B3GALT1: variants seen among roughly 807,000 people sequenced by gnomAD.
B3GALT1 encodes beta-1,3-galactosyltransferase 1.
Under a neutral mutation model 23.2 loss-of-function variants are expected in B3GALT1, and 10 were observed. The ratio of observed to expected loss-of-function variants is 0.43; its 90% CI spans 0.27 to 0.73. The LOEUF is 0.73. Ranked by LOEUF, B3GALT1 falls within the 30% of genes least tolerant of loss-of-function variation. The pLI is 0.21. For synonymous variants in B3GALT1, 156 were observed against 141.5 expected (o/e 1.10, Z -0.73); for missense variants, 299 against 405.4 (o/e 0.74, Z 2.25).
intron 3 of B3GALT1, among the ~76,000 whole-genome samples, chr2:167,698,529 A>T (rs1686821646): frequency 6.6e-6 from 1 of 152,296 alleles, no homozygotes; most frequent in East Asian, 1.9e-4. Flanking sequence ...AGAGGCAGGA[A>T]CCAAGCCGGA....
At chr2:167,534,126 T>A (rs1683376760) in intron 2 of B3GALT1, among the ~76,000 whole-genome samples, 1 of 152,184 alleles carries the variant, frequency 6.6e-6, no homozygotes, top group African/African-American at 2.4e-5. Flanking sequence ...TTTTTATTAA[T>A]CTTGTTCAAA....
intron 1 of B3GALT1, among the ~76,000 whole-genome samples, chr2:167,460,761 T>C (rs1434130507): frequency 6.6e-6 from 1 of 152,144 alleles, no homozygotes; most frequent in Admixed American, 6.5e-5. Context: ...TTTTCTGGGT[T>C]TTATTGTTGT....
chr2:167,298,566 T>C (rs546479016), intron 1 of B3GALT1, among the ~76,000 whole-genome samples: 3 of 152,242 alleles, frequency 2.0e-5, no homozygotes, highest in Non-Finnish European at 4.4e-5. Context: ...TCTTTATGTC[T>C]ATAGCATACA....
chr2:167,845,931 T>C (rs963652500), intron 4 of B3GALT1, among the ~76,000 whole-genome samples: 1 of 151,954 alleles, frequency 6.6e-6, no homozygotes, highest in South Asian at 2.1e-4. Flanking sequence ...TCAGGAAACA[T>C]TGGATACAAT....
chr2:167,332,610 A>G (rs760448915), intron 1 of B3GALT1, among the ~76,000 whole-genome samples: 3 of 152,198 alleles, frequency 2.0e-5, no homozygotes, highest in Non-Finnish European at 2.9e-5. Flanking sequence ...CCTCTTTAGT[A>G]AAGATCATAC....
intron 3 of B3GALT1, among the ~76,000 whole-genome samples, chr2:167,725,449 T>C (rs1687297277): frequency 6.6e-6 from 1 of 152,264 alleles, no homozygotes; most frequent in Non-Finnish European, 1.5e-5. Flanking sequence ...CTGGAAACCC[T>C]GAACTAATAA....
At chr2:167,668,337 AC>A (rs1686248786) in intron 3 of B3GALT1, among the ~76,000 whole-genome samples, 1 of 152,010 alleles carries the variant, frequency 6.6e-6, no homozygotes, top group South Asian at 2.1e-4. Context: ...TGCTGGGAGA[AC>A]CACTGCTCTC....
At chr2:167,851,495 C>T (rs1689886867) in intron 4 of B3GALT1, among the ~76,000 whole-genome samples, 1 of 152,226 alleles carries the variant, frequency 6.6e-6, no homozygotes, top group East Asian at 1.9e-4. Flanking sequence ...GTTATGTCTC[C>T]GTCTTGAGTT....
intron 3 of B3GALT1, among the ~76,000 whole-genome samples, chr2:167,699,665 G>A (rs1323631101): frequency 6.6e-6 from 1 of 152,020 alleles, no homozygotes; most frequent in Admixed American, 6.6e-5. Flanking sequence ...AGGGAACATA[G>A]AGTCCACTTA....
intron 3 of B3GALT1, among the ~76,000 whole-genome samples, chr2:167,668,656 G>A (rs1325397788): frequency 2.6e-5 from 4 of 152,196 alleles, no homozygotes; most frequent in Non-Finnish European, 4.4e-5. Flanking sequence ...CTCCTGGTGC[G>A]CCGTTTTTTA....
chr2:167,566,352 G>A (rs567326386), intron 2 of B3GALT1, among the ~76,000 whole-genome samples: 5 of 151,260 alleles, frequency 3.3e-5, no homozygotes, highest in South Asian at 4.2e-4. Context: ...GGACTGTTTT[G>A]GGGTGGGGGG....
At chr2:167,578,533 A>G (rs1368576161) in intron 2 of B3GALT1, among the ~76,000 whole-genome samples, 1 of 151,604 alleles carries the variant, frequency 6.6e-6, no homozygotes, top group Non-Finnish European at 1.5e-5. Flanking sequence ...TCTCGGGGGT[A>G]TTGGAGGGTA....
chr2:167,390,943 C>A (rs780191354), intron 1 of B3GALT1, among the ~76,000 whole-genome samples: 1 of 152,144 alleles, frequency 6.6e-6, no homozygotes, highest in East Asian at 1.9e-4. Flanking sequence ...GATATCTTGA[C>A]CATCATTCTC....
At chr2:167,519,305 A>G (rs1395487522) in intron 2 of B3GALT1, among the ~76,000 whole-genome samples, 1 of 152,218 alleles carries the variant, frequency 6.6e-6, no homozygotes, top group Admixed American at 6.6e-5. Context: ...CCGCTGCTAG[A>G]ACAATTATTA....
chr2:167,676,328 G>A lies in B3GALT1; in HGVS notation c.-352+29362G>A, dbSNP rs79551023. 2.8e-3 allele frequency among the ~76,000 whole-genome samples: 429 copies of A among 152,162 alleles called. 3 individuals carry two copies. Among genetic ancestry groups the A allele is most frequent in the African/African-American group, 9.7e-3 (402 of 41,494 alleles). On this transcript the variant is annotated intron_variant, in intron 3 of 4. Transcript: ENST00000392690. Reference sequence around the variant, plus strand: ...CTCACAAAAATATGAAGAAAAAAATGTAAGGTTTCAGAGAAGCAGAAAGTA... The same window carrying A: ...CTCACAAAAATATGAAGAAAAAAATATAAGGTTTCAGAGAAGCAGAAAGTA...
At chr2:167,559,091 G>C (rs892721372) in intron 2 of B3GALT1, among the ~76,000 whole-genome samples, 1 of 152,242 alleles carries the variant, frequency 6.6e-6, no homozygotes, top group South Asian at 2.1e-4. Flanking sequence ...TCACACGGCC[G>C]GGTACTCCTC....
chr2:167,870,580 T>A lies in B3GALT1; in HGVS notation c.*560T>A, dbSNP rs763359826. The A allele has an allele frequency of 1.8e-5, 3 of 167,088 alleles. No individual in the cohort carries two copies. Among genetic ancestry groups the A allele is most frequent in the Non-Finnish European group, 2.9e-5 (2 of 68,164 alleles). 10.4% of individuals were successfully genotyped at this position (167,088 alleles called of 1,614,324 possible). A position where few individuals can be genotyped will look rare whatever the true frequency, so the allele number is the denominator to read the frequency against. On this transcript the variant is annotated 3_prime_UTR_variant, in exon 5 of 5. Coordinates refer to ENST00000392690, the MANE Select transcript of B3GALT1 (RefSeq NM_020981.4). ...TGGCTGCAGTTAAATAGATGGGAGT[T>A]TAAATTTGAGAATCAAACATTCTAT...
intron 2 of B3GALT1, among the ~76,000 whole-genome samples, chr2:167,592,236 G>A (rs1246794309): frequency 4.6e-5 from 7 of 152,274 alleles, no homozygotes; most frequent in African/African-American, 1.7e-4. Flanking sequence ...TCAGTGTATA[G>A]ATATTCTTAA....
chr2:167,354,580 C>T (rs895806742), intron 1 of B3GALT1, among the ~76,000 whole-genome samples: 6 of 151,970 alleles, frequency 3.9e-5, no homozygotes, highest in Admixed American at 1.3e-4. Flanking sequence ...CTGTTGACCT[C>T]GTGATCCACC....
Sources: allele counts gnomAD v4.1 joint callset (sites outside exome capture counted in the v4.1 genomes callset), GRCh38; gene constraint gnomAD v4.1.1; transcripts MANE v1.5; gene names NCBI Gene and HGNC (gene_info 2026-07-23, HGNC 2026-07-21).